MALRD1: variants seen among roughly 807,000 people sequenced by gnomAD.
The protein encoded by MALRD1 is MAM and LDL receptor class A domain containing 1.
A neutral mutation model predicts 242.1 loss-of-function variants in MALRD1; 247 were observed. That is an observed-to-expected ratio of 1.02 (90% CI 0.92 to 1.13). The LOEUF is 1.13. MALRD1 is among the 50% of genes most tolerant of loss of function. MALRD1 has a pLI of 0.00. For synonymous variants in MALRD1, 995 were observed against 866.6 expected (o/e 1.15, Z -2.60); for missense variants, 2,989 against 2,533.1 (o/e 1.18, Z -3.86).
intron 14 of MALRD1, among the ~76,000 whole-genome samples, chr10:19,186,390 G>T (rs1402116542): frequency 6.6e-6 from 1 of 152,192 alleles, no homozygotes; most frequent in African/African-American, 2.4e-5. Context: ...ATTTATGGAA[G>T]TCACTGATCT....
intron 36 of MALRD1, among the ~76,000 whole-genome samples, chr10:19,663,798 T>TG (rs1284039995): frequency 6.6e-6 from 1 of 151,304 alleles, no homozygotes; most frequent in African/African-American, 2.4e-5. Flanking sequence ...AAATGGGAGT[T>TG]TTTTTTTTCC....
rs1162851048 is a variant in MALRD1 at position 19,683,757 on chromosome 10, CTTTTA to C, written c.6138-8521_6138-8517del. On this transcript the variant is annotated intron_variant, in intron 36 of 39. Transcript: ENST00000454679. The stretch of plus-strand genomic sequence containing the variant: ...CATTACAAATGATTTTTTATACATT[CTTTTA>C]TTTATTTATTTATTTTACTTTAAGT... Among the ~76,000 whole-genome samples, 23 of 151,998 alleles carry C rather than the reference CTTTTA, an allele frequency of 1.5e-4. 1 individual carries two copies. Among genetic ancestry groups the C allele is most frequent in the Admixed American group, 1.5e-3 (23 of 15,248 alleles).
At chr10:19,566,298 A>ATTTTTTTTTTTTTT (rs10548629) in intron 32 of MALRD1, among the ~76,000 whole-genome samples, 16 of 111,048 alleles carry the variant, frequency 1.4e-4, no homozygotes, top group Non-Finnish European at 2.5e-4. Context: ...TGCCTGGCTA[A>ATTTTTTTTTTTTTT]TTTTTTTTTT....
intron 29 of MALRD1, among the ~76,000 whole-genome samples, chr10:19,462,153 T>C (rs908997769): frequency 7.9e-5 from 12 of 152,186 alleles, no homozygotes; most frequent in Non-Finnish European, 1.8e-4. Context: ...TTATTTTCTG[T>C]ATTCTGATGC....
chr10:19,617,320 A>G (rs1043765166), intron 36 of MALRD1, among the ~76,000 whole-genome samples: 17 of 152,038 alleles, frequency 1.1e-4, no homozygotes, highest in Middle Eastern at 3.2e-3. Flanking sequence ...AAGGAAGTCA[A>G]TGGAGAAAAA....
chr10:19,417,176 T>C (rs1326690302), intron 28 of MALRD1, among the ~76,000 whole-genome samples: 1 of 152,176 alleles, frequency 6.6e-6, no homozygotes, highest in Non-Finnish European at 1.5e-5. Flanking sequence ...GGTCTTTGCC[T>C]CCTTAATTTT....
chr10:19,101,268 T>C (rs1244430219), intron 4 of MALRD1, among the ~76,000 whole-genome samples: 1 of 146,750 alleles, frequency 6.8e-6, no homozygotes, highest in South Asian at 2.1e-4. Flanking sequence ...ATATTCAAAA[T>C]ATATATAATA....
At chr10:19,530,078 G>A (rs1834286123) in intron 31 of MALRD1, among the ~76,000 whole-genome samples, 1 of 151,444 alleles carries the variant, frequency 6.6e-6, no homozygotes, top group Non-Finnish European at 1.5e-5. Context: ...AAAAGACTCA[G>A]AATAGCCAAA....
chr10:19,100,625 A>C (rs1588543015), intron 4 of MALRD1, among the ~76,000 whole-genome samples: 2 of 151,762 alleles, frequency 1.3e-5, no homozygotes. Context: ...GTGAGATGAG[A>C]GCTCCAATCC....
intron 21 of MALRD1, among the ~76,000 whole-genome samples, chr10:19,300,686 T>C (rs1433218925): frequency 6.6e-6 from 1 of 152,008 alleles, no homozygotes; most frequent in African/African-American, 2.4e-5. Flanking sequence ...GACCCCTTCC[T>C]TACTCCATAT....
At chr10:19,403,355 T>C (rs1470049579) in intron 28 of MALRD1, among the ~76,000 whole-genome samples, 1 of 152,192 alleles carries the variant, frequency 6.6e-6, no homozygotes, top group Non-Finnish European at 1.5e-5. Context: ...GTTTTGCCAT[T>C]AAAAATTCCA....
intron 18 of MALRD1, among the ~76,000 whole-genome samples, chr10:19,233,749 A>G (rs1397858948): frequency 1.3e-5 from 2 of 152,174 alleles, no homozygotes; most frequent in South Asian, 2.1e-4. Context: ...GGAAAATAAC[A>G]TTAGTGCTAA....
intron 14 of MALRD1, among the ~76,000 whole-genome samples, chr10:19,179,475 C>T (rs887677134): frequency 6.6e-6 from 1 of 152,012 alleles, no homozygotes; most frequent in African/African-American, 2.4e-5. Flanking sequence ...CATCACAAAA[C>T]CCCATCTCTA....
intron 21 of MALRD1, among the ~76,000 whole-genome samples, chr10:19,283,582 T>C (rs1044057901): frequency 1.3e-5 from 2 of 152,014 alleles, no homozygotes; most frequent in African/African-American, 2.4e-5. Flanking sequence ...CCCTCCCCTT[T>C]CCCCTTTCTG....
intron 28 of MALRD1, among the ~76,000 whole-genome samples, chr10:19,441,986 G>C (rs1589079638): frequency 1.3e-5 from 2 of 152,140 alleles, no homozygotes; most frequent in African/African-American, 4.8e-5. Flanking sequence ...TCTTCCATTT[G>C]TTTGTGTCCT....
chr10:19,380,138 C>A (rs1397854696), intron 26 of MALRD1, among the ~76,000 whole-genome samples: 5 of 151,612 alleles, frequency 3.3e-5, no homozygotes. Context: ...CCATGCCTGG[C>A]TAATTTTTGT....
At chr10:19,058,792 C>T (rs1437920808) in intron 1 of MALRD1, among the ~76,000 whole-genome samples, 1 of 151,366 alleles carries the variant, frequency 6.6e-6, no homozygotes, top group African/African-American at 2.4e-5. Flanking sequence ...TTGTAAATCC[C>T]AATTGAAAAC....
At chr10:19,385,270 A>T (rs563508537) in intron 26 of MALRD1, among the ~76,000 whole-genome samples, 2 of 152,088 alleles carry the variant, frequency 1.3e-5, no homozygotes, top group East Asian at 3.9e-4. Context: ...TAATAAAATG[A>T]ATTAGGAAAT....
intron 36 of MALRD1, among the ~76,000 whole-genome samples, chr10:19,686,297 C>G (rs1052189200): frequency 1.9e-4 from 29 of 152,126 alleles, no homozygotes; most frequent in African/African-American, 5.3e-4. Flanking sequence ...CATCCCTTCT[C>G]CCCTGATTCT....
Sources: allele counts gnomAD v4.1 joint callset (sites outside exome capture counted in the v4.1 genomes callset), GRCh38; gene constraint gnomAD v4.1.1; transcripts MANE v1.5; gene names NCBI Gene and HGNC (gene_info 2026-07-23, HGNC 2026-07-21).